Variants in SIPA1L1 observed in about 807,000 individuals in gnomAD.
SIPA1L1 encodes signal-induced proliferation-associated 1-like protein 1.
SIPA1L1 carries 26 observed loss-of-function variants against 162.7 expected under a neutral mutation model. The observed-to-expected ratio is 0.16, with a 90% CI of 0.12 to 0.22. SIPA1L1 has a LOEUF of 0.22. Among genes scored for constraint, SIPA1L1 ranks in the 10% least tolerant of loss-of-function variants. The pLI is 1.00. For missense variants in SIPA1L1, 1,874 were observed against 2,241.0 expected, an observed-to-expected ratio of 0.84 and a Z score of 3.31; for synonymous variants, 829 against 837.4, an observed-to-expected ratio of 0.99 and a Z score of 0.17.
At chr14:71,349,573 A>C (rs1013443387) in intron 2 of SIPA1L1, among the ~76,000 whole-genome samples, 4 of 152,214 alleles carry the variant, frequency 2.6e-5, no homozygotes, top group Admixed American at 2.0e-4. Flanking sequence ...GGAAACTAGA[A>C]AAAGTTTCAT....
At chr14:71,530,505 TA>T (rs1446904657) in intron 4 of SIPA1L1, among the ~76,000 whole-genome samples, 1 of 152,228 alleles carries the variant, frequency 6.6e-6, no homozygotes, top group Non-Finnish European at 1.5e-5. Flanking sequence ...TATACCCTTC[TA>T]ATTCCTTGTT....
chr14:71,732,069 A>G (rs1343741271), intron 20 of SIPA1L1, among the ~76,000 whole-genome samples: 2 of 152,360 alleles, frequency 1.3e-5, no homozygotes, highest in East Asian at 3.9e-4. Context: ...GTAGGAGCAC[A>G]TTTAAGTAGA....
At position 71,587,646 on chromosome 14, in the gene SIPA1L1, T is replaced by G. The variant is rs563017988; in HGVS notation, c.-227T>G. ...TTCAGTTTTTTCTGAAAGAAAGCCC[T>G]CTGTTAAAGTGAAGCAAAGAAACTG... On this transcript the variant is annotated 5_prime_UTR_variant, in exon 5 of 24. Coordinates refer to ENST00000381232, the MANE Select transcript of SIPA1L1 (RefSeq NM_001386936.1). 4.0e-5 allele frequency: 19 copies of G among 470,614 alleles called. No individual in the cohort carries two copies. In the South Asian group the frequency reaches 1.0e-3, roughly 25 times the overall value. 29.2% of individuals were successfully genotyped at this position (470,614 alleles called of 1,614,324 possible). A position where few individuals can be genotyped will look rare whatever the true frequency, so the allele number is the denominator to read the frequency against.
intron 2 of SIPA1L1, among the ~76,000 whole-genome samples, chr14:71,463,347 G>A (rs748877753): frequency 6.4e-4 from 97 of 152,276 alleles, no homozygotes; most frequent in Non-Finnish European, 1.2e-3. Flanking sequence ...ACCACAGGAT[G>A]AGTCCGGGGA....
chr14:71,396,994 A>T (rs937601805), intron 2 of SIPA1L1, among the ~76,000 whole-genome samples: 1 of 152,230 alleles, frequency 6.6e-6, no homozygotes, highest in African/African-American at 2.4e-5. Flanking sequence ...AACTAAATGG[A>T]CAAATTTCAA....
rs2083958159 is a variant in SIPA1L1 at position 71,723,681 on chromosome 14, G to T, written c.4243G>T (p.Val1415Phe). 1.2e-6 allele frequency: 2 copies of T among 1,614,156 alleles called. No homozygotes were observed. The highest frequency in any genetic ancestry group is 1.7e-6 in the Non-Finnish European group (2 of 1,180,034). ...CTCCCGACACTCTGCCAGCCCAGTG[G>T]TTTTCACCAGTGCCCGGAGTTCACC... ...MSSRHSASPV[V>F]FTSARSSPKE... The change falls in exon 18 of 24, where the codon GTT (valine) becomes TTT (phenylalanine). Residue 1415 changes from valine (V) to phenylalanine (F), a missense_variant. This residue lies in a region of SIPA1L1 where 936 missense variants were observed against 1,051.9 expected (regional missense o/e 0.89). Transcript: ENST00000381232.
rs1207831704 is a variant in SIPA1L1 at position 71,671,465 on chromosome 14, T to C, written c.2602T>C (p.Tyr868His). The C allele has an allele frequency of 6.2e-7, 1 of 1,614,116 alleles. No individual in the cohort carries two copies. The highest frequency in any genetic ancestry group is 1.1e-5 in the South Asian group (1 of 91,076). Residue 868 changes from tyrosine to histidine, a missense_variant, in exon 11 of 24, where the codon TAC (tyrosine) becomes CAC (histidine). Tyr to His is a moderately conservative substitution (Grantham distance 83). Around this residue, in one of 5 missense-constraint regions of SIPA1L1, gnomAD observed 243 missense variants for 315.0 expected, o/e 0.77. Transcript: ENST00000381232. Reference sequence around the variant, plus strand: ...TGTATGGGCAGTCCGGGCTGAAGACTACAACAAGGCCATGGAACTAGACTG... The same window carrying C: ...TGTATGGGCAGTCCGGGCTGAAGACCACAACAAGGCCATGGAACTAGACTG... ...AIVWAVRAED[Y>H]NKAMELDCLL...
At chr14:71,576,419 G>A (rs904208359) in intron 4 of SIPA1L1, 4 of 152,244 alleles carry the variant, frequency 2.6e-5, no homozygotes, top group Non-Finnish European at 5.9e-5. Flanking sequence ...GATGGAAACA[G>A]ATTATTGAAC....
At chr14:71,467,866 AAAAG>A (rs960829351) in intron 2 of SIPA1L1, among the ~76,000 whole-genome samples, 4 of 151,722 alleles carry the variant, frequency 2.6e-5, no homozygotes, top group African/African-American at 7.3e-5. Flanking sequence ...AAAAAAAAAA[AAAAG>A]AAAGAAAAAG....
At chr14:71,587,462 T>C in intron 4 of SIPA1L1, 109 bp from the exon 5 acceptor site, 1 of 397,444 alleles carries the variant, frequency 2.5e-6, no homozygotes, top group Admixed American at 4.4e-5. Context: ...GAACTGTGAA[T>C]CCTAATCCAT....
At position 71,524,618 on chromosome 14, in the gene SIPA1L1, G is replaced by A. The variant is rs376441659; in HGVS notation, c.-361-4694G>A. 4.9e-4 allele frequency among the ~76,000 whole-genome samples: 75 copies of A among 152,128 alleles called. 1 individual carries two copies. Among genetic ancestry groups the A allele is most frequent in the African/African-American group, 1.8e-3 (73 of 41,512 alleles). ...TTCATCATCTCAGTTTTATTTATTT[G>A]TTTATTTTTAAATAGAGATGAGGTC... On this transcript the variant is annotated intron_variant, in intron 3 of 23. Coordinates refer to ENST00000381232, the MANE Select transcript of SIPA1L1 (RefSeq NM_001386936.1).
At chr14:71,333,068 A>C (rs1319687432) in intron 2 of SIPA1L1, among the ~76,000 whole-genome samples, 1 of 152,248 alleles carries the variant, frequency 6.6e-6, no homozygotes, top group African/African-American at 2.4e-5. Flanking sequence ...AACTCAGCTC[A>C]GAGTTTTTCT....
At chr14:71,633,417 C>T (rs1187623567) in intron 7 of SIPA1L1, among the ~76,000 whole-genome samples, 1 of 152,156 alleles carries the variant, frequency 6.6e-6, no homozygotes, top group Non-Finnish European at 1.5e-5. Flanking sequence ...CATGATCCTC[C>T]TGCCTAGGCT....
intron 2 of SIPA1L1, among the ~76,000 whole-genome samples, chr14:71,455,589 A>G (rs780338933): frequency 6.6e-6 from 1 of 152,188 alleles, no homozygotes; most frequent in African/African-American, 2.4e-5. Context: ...CAATAATAAT[A>G]ATGTTTACCA....
At chr14:71,667,890 C>T (rs544721924) in intron 10 of SIPA1L1, among the ~76,000 whole-genome samples, 1 of 152,044 alleles carries the variant, frequency 6.6e-6, no homozygotes, top group Non-Finnish European at 1.5e-5. Context: ...ACAGTGAAAC[C>T]CTGTCTCTAC....
At chr14:71,359,551 G>A (rs1172569951) in intron 2 of SIPA1L1, among the ~76,000 whole-genome samples, 1 of 152,134 alleles carries the variant, frequency 6.6e-6, no homozygotes, top group African/African-American at 2.4e-5. Flanking sequence ...AATAAAAAGT[G>A]CCTGCCACAT....
intron 2 of SIPA1L1, among the ~76,000 whole-genome samples, chr14:71,440,418 C>T (rs1436098181): frequency 2.6e-5 from 4 of 151,790 alleles, no homozygotes; most frequent in Non-Finnish European, 4.4e-5. Flanking sequence ...TTTGGGCAGC[C>T]GAGGCAGGCC....
chr14:71,387,242 C>CT (rs1448264060), intron 2 of SIPA1L1, among the ~76,000 whole-genome samples: 1 of 89,076 alleles, frequency 1.1e-5, no homozygotes, highest in Admixed American at 1.8e-4. Flanking sequence ...GAGCGAAACT[C>CT]TGTCTCAAAA....
intron 2 of SIPA1L1, among the ~76,000 whole-genome samples, chr14:71,488,479 TGTA>T (rs1436550010): frequency 6.6e-6 from 1 of 152,178 alleles, no homozygotes; most frequent in Non-Finnish European, 1.5e-5. Flanking sequence ...ATACCACTGT[TGTA>T]GTACCCATGA....
Sources: allele counts gnomAD v4.1 joint callset (sites outside exome capture counted in the v4.1 genomes callset), GRCh38; gene constraint gnomAD v4.1.1; regional missense constraint gnomAD v4.1.1; transcripts MANE v1.5; gene names NCBI Gene and HGNC (gene_info 2026-07-23, HGNC 2026-07-21).